MEF2B: variants seen among roughly 807,000 people sequenced by gnomAD.
The protein encoded by MEF2B is myocyte enhancer factor 2B.
Under a neutral mutation model 32.2 loss-of-function variants are expected in MEF2B, and 15 were observed. That is an observed-to-expected ratio of 0.47 (90% CI 0.31 to 0.72). MEF2B has a LOEUF of 0.72. MEF2B is among the 30% of genes least tolerant of loss of function. MEF2B has a pLI of 0.05. For missense variants in MEF2B, 441 were observed against 511.5 expected, an observed-to-expected ratio of 0.86 and a Z score of 1.33; for synonymous variants, 205 against 225.6, an observed-to-expected ratio of 0.91 and a Z score of 0.82.
chr19:19,168,054 C>T (rs978254367), intron 1 of MEF2B, among the ~76,000 whole-genome samples: 1 of 152,174 alleles, frequency 6.6e-6, no homozygotes, highest in Non-Finnish European at 1.5e-5. Flanking sequence ...GGGAACAAGC[C>T]TGCCTTTTTA....
intron 1 of MEF2B, among the ~76,000 whole-genome samples, chr19:19,169,046 T>C (rs958151587): frequency 6.6e-6 from 1 of 151,778 alleles, no homozygotes; most frequent in African/African-American, 2.4e-5. Context: ...AGTGAGACTC[T>C]GTCTCAAAAA....
At chr19:19,149,088 A>G in intron 3 of MEF2B, 138 bp downstream of exon 3, 4 of 1,120,020 alleles carry the variant, frequency 3.6e-6, no homozygotes, top group Middle Eastern at 2.9e-4. Flanking sequence ...GGTCCCTTCT[A>G]GGGACAGCAG....
rs561325343 is a variant in MEF2B, at chr19:19,151,950, C to T, written c.-29-1186G>A. On this transcript the variant is annotated intron_variant, in intron 1 of 8. Transcript: ENST00000424583. ...CCAGCCTGGCCAACATGCTAAAACCCCATCTCTATTTTTTTTTTTTTTTTT... is the reference window on the plus strand; with the variant it reads ...CCAGCCTGGCCAACATGCTAAAACCTCATCTCTATTTTTTTTTTTTTTTTT... 5.8e-4 allele frequency among the ~76,000 whole-genome samples: 84 copies of T among 145,492 alleles called. 3 individuals carry two copies. In the South Asian group the frequency reaches 0.018, roughly 32 times the overall value.
intron 1 of MEF2B, among the ~76,000 whole-genome samples, chr19:19,161,811 G>GA (rs1555775722): frequency 7.3e-6 from 1 of 137,548 alleles, no homozygotes; most frequent in East Asian, 2.1e-4. Flanking sequence ...CTTCTTTTTT[G>GA]TTTTTTTTTT....
intron 1 of MEF2B, 103 bp from the exon 2 acceptor site, chr19:19,150,867 G>A (rs1309604545): frequency 1.5e-6 from 2 of 1,374,732 alleles, no homozygotes; most frequent in East Asian, 4.7e-5. Context: ...GCCACTGAGA[G>A]GAAGATGATG....
chr19:19,168,613 A>G (rs1313675960), intron 1 of MEF2B, among the ~76,000 whole-genome samples: 1 of 148,900 alleles, frequency 6.7e-6, no homozygotes, highest in African/African-American at 2.5e-5. Context: ...TTTCTTTTAG[A>G]GACAGGATCT....
At chr19:19,158,344 G>GCCTC (rs747025902) in intron 1 of MEF2B, among the ~76,000 whole-genome samples, 147,308 of 147,326 alleles carry the variant, frequency 1, 73,646 homozygotes, top group Middle Eastern at 1. Context: ...CACCTCAGGG[G>GCCTC]CCAAAGTGCT....
At position 19,146,118 on chromosome 19, in the gene MEF2B, C is replaced by T. The variant is rs114295886; in HGVS notation, c.882-96G>A. On this transcript the variant is annotated intron_variant, in intron 8 of 8. Coordinates refer to ENST00000424583, the MANE Select transcript of MEF2B (RefSeq NM_001145785.2). ...CGTGGGCAAAGGCTTGGCAGGAGGA[C>T]CCTGGGAAAGGAGGGGGTGGCGGTC... The T allele has an allele frequency of 2.6e-3, 2,879 of 1,123,276 alleles. 61 individuals carry two copies. The African/African-American group carries it at 0.04, about 15-fold the overall frequency. 69.6% of individuals were successfully genotyped at this position (1,123,276 alleles called of 1,614,324 possible).
At chr19:19,153,688 C>T (rs1482605193) in intron 1 of MEF2B, among the ~76,000 whole-genome samples, 5 of 152,068 alleles carry the variant, frequency 3.3e-5, no homozygotes, top group Admixed American at 3.3e-4. Context: ...AACTCCTGGC[C>T]TCAAGTGATC....
At chr19:19,160,588 C>T (rs922221818) in intron 1 of MEF2B, among the ~76,000 whole-genome samples, 3 of 150,270 alleles carry the variant, frequency 2.0e-5, no homozygotes, top group Non-Finnish European at 4.4e-5. Context: ...GGCAGAGGAA[C>T]CCAGGCCGGG....
intron 1 of MEF2B, among the ~76,000 whole-genome samples, chr19:19,169,351 C>CAA (rs11302220): frequency 2.0e-4 from 30 of 146,874 alleles, no homozygotes; most frequent in African/African-American, 7.3e-4. Flanking sequence ...GACCCTGTCT[C>CAA]AAAAAAAAAA....
At chr19:19,148,399 A>C in intron 3 of MEF2B, among the ~76,000 whole-genome samples, 1 of 152,156 alleles carries the variant, frequency 6.6e-6, no homozygotes, top group East Asian at 1.9e-4. Flanking sequence ...CGAGAGGCGG[A>C]GGTTGCGGTG....
At chr19:19,158,052 T>C (rs887242365) in intron 1 of MEF2B, among the ~76,000 whole-genome samples, 40 of 152,040 alleles carry the variant, frequency 2.6e-4, no homozygotes, top group Non-Finnish European at 4.0e-4. Flanking sequence ...TAGTGGTTTG[T>C]GCATTTTTCT....
intron 1 of MEF2B, among the ~76,000 whole-genome samples, chr19:19,154,293 A>C (rs1204412271): frequency 3.3e-5 from 5 of 151,948 alleles, no homozygotes; most frequent in Admixed American, 1.3e-4. Flanking sequence ...CCTCCCAAGT[A>C]GTTGGGACAA....
chr19:19,152,070 C>G (rs1469988169), intron 1 of MEF2B, among the ~76,000 whole-genome samples: 1 of 150,676 alleles, frequency 6.6e-6, no homozygotes, highest in African/African-American at 2.5e-5. Flanking sequence ...AAGTGATTCT[C>G]CTGCCTCAGC....
intron 5 of MEF2B, 78 bp from the exon 6 acceptor site, chr19:19,146,953 C>A (rs754382057): frequency 1.4e-5 from 22 of 1,568,848 alleles, no homozygotes; most frequent in Non-Finnish European, 1.8e-5. Flanking sequence ...AGAGGTGATG[C>A]ACGCAGCCTG....
At chr19:19,151,736 G>T (rs2060082082) in intron 1 of MEF2B, among the ~76,000 whole-genome samples, 1 of 152,140 alleles carries the variant, frequency 6.6e-6, no homozygotes, top group African/African-American at 2.4e-5. Context: ...CAGCACAGAA[G>T]ACCCTTTCCC....
chr19:19,154,724 G>A (rs1431976360), intron 1 of MEF2B, among the ~76,000 whole-genome samples: 8 of 152,306 alleles, frequency 5.3e-5, no homozygotes, highest in East Asian at 3.9e-4. Flanking sequence ...GATTCCAGGC[G>A]TGAGCCACTA....
chr19:19,152,334 G>C (rs2060089419), intron 1 of MEF2B, among the ~76,000 whole-genome samples: 1 of 145,386 alleles, frequency 6.9e-6, no homozygotes, highest in African/African-American at 2.6e-5. Context: ...GCTGAGGCAG[G>C]TGTGTCACTG....
Sources: gnomAD v4.1 joint callset for allele counts (sites outside exome capture counted in the v4.1 genomes callset) on GRCh38, gnomAD v4.1.1 for gene constraint, MANE v1.5 for transcripts, NCBI Gene and HGNC (gene_info 2026-07-23, HGNC 2026-07-21) for gene names.